ERI1: variants seen among roughly 807,000 people sequenced by gnomAD.
ERI1 encodes the protein exoribonuclease 1.
ERI1 carries 39 observed loss-of-function variants against 39.7 expected under a neutral mutation model. The observed-to-expected ratio is 0.98, with a 90% confidence interval of 0.76 to 1.28. ERI1 has a LOEUF of 1.28. Ranked by LOEUF, ERI1 falls within the 50% of genes most tolerant of loss-of-function variation. The pLI, the probability that ERI1 is intolerant of heterozygous loss-of-function variation, is 0.00. For missense variants in ERI1, 581 were observed against 416.9 expected, an observed-to-expected ratio of 1.39 and a Z score of -3.43; for synonymous variants, 204 against 149.6, an observed-to-expected ratio of 1.36 and a Z score of -2.65.
intron 3 of ERI1, among the ~76,000 whole-genome samples, chr8:9,039,745 T>G (rs1797958952): frequency 6.6e-6 from 1 of 151,946 alleles, no homozygotes; most frequent in South Asian, 2.1e-4. Flanking sequence ...CTATAGAATG[T>G]TATCCTGCTA....
chr8:9,020,383 G>C lies in ERI1; in HGVS notation c.726G>C (p.Gln242His). The C allele has an allele frequency of 1.9e-6, 3 of 1,602,346 alleles. No homozygotes were observed. The highest frequency in any genetic ancestry group is 2.6e-6 in the Non-Finnish European group (3 of 1,175,672). ...ATATGAGTAAGTTCTTGAACATTCAGTGTCAACTCAGCAGGCTCAAATACC... is the reference window on the plus strand; with the variant it reads ...ATATGAGTAAGTTCTTGAACATTCACTGTCAACTCAGCAGGCTCAAATACC... ...SWDMSKFLNI[Q>H]CQLSRLKYPP... Residue 242 changes from glutamine to histidine, a missense_variant, in exon 6 of 7, where the codon CAG becomes CAC. Transcript: ENST00000250263.
chr8:9,048,866 G>C (rs1406147204), intron 3 of ERI1, among the ~76,000 whole-genome samples: 1 of 151,790 alleles, frequency 6.6e-6, no homozygotes, highest in Non-Finnish European at 1.5e-5. Context: ...GGCTGGTCTT[G>C]AACTCCTGGG....
chr8:9,067,633 C>T (rs1431834943), intron 3 of ERI1, among the ~76,000 whole-genome samples: 1 of 139,274 alleles, frequency 7.2e-6, no homozygotes, highest in African/African-American at 2.6e-5. Flanking sequence ...CCAGGCTGAG[C>T]AACAGAGTGA....
At chr8:9,034,404 G>T (rs112997028), downstream of ERI1, among the ~76,000 whole-genome samples, 450 of 152,296 alleles carry the variant, frequency 3.0e-3, no homozygotes, top group African/African-American at 0.01. Flanking sequence ...CCTGTGTGGA[G>T]AAAGTCTATT....
chr8:9,026,078 C>T (rs896865404), intron 6 of ERI1, among the ~76,000 whole-genome samples: 23 of 152,144 alleles, frequency 1.5e-4, no homozygotes, highest in African/African-American at 5.6e-4. Context: ...CTTAGTTACA[C>T]ATAAATTAAG....
chr8:9,019,535 A>G (rs1366497239), intron 5 of ERI1, among the ~76,000 whole-genome samples: 1 of 152,178 alleles, frequency 6.6e-6, no homozygotes, highest in Admixed American at 6.5e-5. Context: ...AACCTATGCA[A>G]TTTTGTAACA....
chr8:9,023,665 T>C (rs1309214650), intron 6 of ERI1, among the ~76,000 whole-genome samples: 2 of 150,138 alleles, frequency 1.3e-5, no homozygotes, highest in African/African-American at 4.8e-5. Context: ...ACTTATGTTT[T>C]CCTTCTTTTT....
chr8:9,057,183 C>A (rs1397146709), intron 3 of ERI1, among the ~76,000 whole-genome samples: 1 of 152,046 alleles, frequency 6.6e-6, no homozygotes, highest in Non-Finnish European at 1.5e-5. Flanking sequence ...CTCGCTCTGT[C>A]GCCCAGGCTG....
intron 3 of ERI1, among the ~76,000 whole-genome samples, chr8:9,071,304 ATACT>A (rs537969347): frequency 7.0e-4 from 106 of 152,348 alleles, no homozygotes; most frequent in African/African-American, 2.5e-3. Context: ...TGTTTGATAA[ATACT>A]TTTCCTTTTC....
At chr8:9,011,409 T>TA (rs1338585285) in intron 2 of ERI1, 133 bp from the exon 3 acceptor site, 7 of 510,120 alleles carry the variant, frequency 1.4e-5, no homozygotes, top group East Asian at 5.8e-5. Flanking sequence ...TTGCTTTTCT[T>TA]ACATTTATTT....
Position 9,031,510 on chromosome 8 carries a change from G to C in ERI1, c.*1476G>C, listed in dbSNP as rs1797587162. ...TATACAGTTAACTCTTAGGATAAGA[G>C]GGATGTATGCTGAGATGTTTGTGCA... On this transcript the variant is annotated 3_prime_UTR_variant, in exon 7 of 7. Coordinates refer to ENST00000250263, the MANE Select transcript of ERI1 (RefSeq NM_153332.4). The C allele has an allele frequency of 6.6e-6, 1 of 152,284 alleles. No homozygotes were observed. Among genetic ancestry groups the C allele is most frequent in the Middle Eastern group, 3.4e-3 (1 of 294 alleles). The allele number at this position is 152,284 out of a possible 1,614,324, so 9.4% of individuals were successfully genotyped here.
chr8:9,022,559 C>G (rs974009418), intron 6 of ERI1, among the ~76,000 whole-genome samples: 2 of 152,022 alleles, frequency 1.3e-5, no homozygotes, highest in Non-Finnish European at 2.9e-5. Flanking sequence ...ACAACCACAA[C>G]TGGCTAATTT....
chr8:9,079,322 A>T (rs902296094), intron 3 of ERI1, among the ~76,000 whole-genome samples: 1 of 152,186 alleles, frequency 6.6e-6, no homozygotes, highest in Non-Finnish European at 1.5e-5. Context: ...AGTTCCTGTG[A>T]GCATTTGATT....
intron 3 of ERI1, among the ~76,000 whole-genome samples, chr8:9,052,057 A>G (rs758973778): frequency 6.6e-6 from 1 of 152,240 alleles, no homozygotes; most frequent in Non-Finnish European, 1.5e-5. Context: ...ATTAATGTTT[A>G]TAAAGTGCTT....
chr8:9,041,135 A>C (rs917096731), intron 3 of ERI1, among the ~76,000 whole-genome samples: 2 of 152,240 alleles, frequency 1.3e-5, no homozygotes, highest in African/African-American at 4.8e-5. Context: ...AACAATGAGC[A>C]TGACTTTTGT....
Position 9,008,560 on chromosome 8 carries a change from TAAC to T in ERI1, c.287+414_287+416del, listed in dbSNP as rs555996837. On this transcript the variant is annotated intron_variant, in intron 2 of 6. Coordinates refer to ENST00000250263, the MANE Select transcript of ERI1 (RefSeq NM_153332.4). Reference sequence around the variant, plus strand: ...GTACAATAAATTAAAAACATTCACTTAACAGGAATATTTTTTGTTTTAATTTCT... The same window carrying T: ...GTACAATAAATTAAAAACATTCACTTAGGAATATTTTTTGTTTTAATTTCT... Among the ~76,000 whole-genome samples the T allele has an allele frequency of 4.6e-3, 697 of 152,328 alleles. 1 individual carries two copies. Among genetic ancestry groups the T allele is most frequent in the Admixed American group, 7.7e-3 (118 of 15,296 alleles).
intron 3 of ERI1, among the ~76,000 whole-genome samples, chr8:9,045,470 A>G (rs1798146073): frequency 6.6e-6 from 1 of 151,780 alleles, no homozygotes; most frequent in Non-Finnish European, 1.5e-5. Context: ...ACATTCATGG[A>G]TACCAAAAAC....
chr8:9,079,360 A>G (rs1012764438), intron 3 of ERI1, among the ~76,000 whole-genome samples: 1 of 152,254 alleles, frequency 6.6e-6, no homozygotes, highest in East Asian at 1.9e-4. Flanking sequence ...GAGTTCAGCT[A>G]TAGACCGTTT....
downstream of ERI1, among the ~76,000 whole-genome samples, chr8:9,034,591 C>T (rs545597788): frequency 9.5e-4 from 145 of 152,142 alleles, no homozygotes; most frequent in African/African-American, 3.1e-3. Flanking sequence ...TATAAGACAA[C>T]GAACTTAATT....
Sources: gnomAD v4.1 joint callset for allele counts (sites outside exome capture counted in the v4.1 genomes callset) on GRCh38, gnomAD v4.1.1 for gene constraint, MANE v1.5 for transcripts, NCBI Gene and HGNC (gene_info 2026-07-23, HGNC 2026-07-21) for gene names.